LPCAT1: variants seen among roughly 807,000 people sequenced by gnomAD.
LPCAT1 encodes the protein lysophosphatidylcholine acyltransferase 1, also known as 1-acylglycerol-3-phosphate O-acyltransferase.
Under a neutral mutation model 60.9 loss-of-function variants are expected in LPCAT1, and 23 were observed. That is an observed-to-expected ratio of 0.38 (90% confidence interval 0.27 to 0.53). The LOEUF (loss-of-function observed/expected upper bound fraction) is 0.53. Ranked by LOEUF, LPCAT1 falls within the 20% of genes least tolerant of loss-of-function variation. The pLI, the probability that LPCAT1 is intolerant of heterozygous loss-of-function variation, is 0.82. For synonymous variants in LPCAT1, 340 were observed against 301.1 expected, an observed-to-expected ratio of 1.13 and a Z score of -1.34; for missense variants, 622 against 723.6, an observed-to-expected ratio of 0.86 and a Z score of 1.61.
intron 2 of LPCAT1, 66 bp from the exon 3 acceptor site, chr5:1,494,980 G>A (rs1735731395): frequency 1.4e-6 from 2 of 1,446,782 alleles, no homozygotes; most frequent in Admixed American, 2.0e-5. Flanking sequence ...GTGAGGCACA[G>A]GGGCGGTCCC....
At chr5:1,473,589 G>A (rs1734777273) in intron 11 of LPCAT1, among the ~76,000 whole-genome samples, 1 of 152,178 alleles carries the variant, frequency 6.6e-6, no homozygotes, top group African/African-American at 2.4e-5. Context: ...TAGAGGACGG[G>A]CGTGTTATTA....
intron 10 of LPCAT1, among the ~76,000 whole-genome samples, 160 bp downstream of exon 10, chr5:1,474,400 T>C (rs568201821): frequency 5.9e-5 from 9 of 152,292 alleles, no homozygotes; most frequent in Non-Finnish European, 1.0e-4. Context: ...CATTAAGGGA[T>C]TGAAAGACAC....
At chr5:1,501,934 C>T (rs1247207034) in intron 1 of LPCAT1, among the ~76,000 whole-genome samples, 2 of 151,826 alleles carry the variant, frequency 1.3e-5, no homozygotes, top group Admixed American at 1.3e-4. Flanking sequence ...CCAACACTGA[C>T]CGACACTGAC....
chr5:1,475,685 C>A (rs556785702), intron 9 of LPCAT1, among the ~76,000 whole-genome samples: 3 of 152,230 alleles, frequency 2.0e-5, no homozygotes, highest in African/African-American at 7.2e-5. Flanking sequence ...GGAAACCAGC[C>A]GGGAGGAGGC....
rs146171733 is a variant in LPCAT1, at chr5:1,466,921, C to T, written c.1279-31G>A. On this transcript the variant is annotated intron_variant, in intron 12 of 13. Transcript: ENST00000283415. The stretch of plus-strand genomic sequence containing the variant: ...AGGCAAACTGGGTGTCACCTTGCAG[C>T]CTCCTCCCCTGCCCACCAGGCCCCG... 6.1e-3 allele frequency: 9,275 copies of T among 1,520,834 alleles called. 32 individuals are homozygous for T. The highest frequency in any genetic ancestry group is 7.4e-3 in the Non-Finnish European group (8,320 of 1,127,106). The allele number at this position is 1,520,834 out of a possible 1,614,324, so 94.2% of individuals were successfully genotyped here. A position where few individuals can be genotyped will look rare whatever the true frequency, so the allele number is the denominator to read the frequency against.
intron 1 of LPCAT1, among the ~76,000 whole-genome samples, chr5:1,509,206 C>T (rs762874672): frequency 6.6e-5 from 10 of 152,266 alleles, no homozygotes; most frequent in East Asian, 1.9e-4. Context: ...CACAGGCGGC[C>T]GGGGCAGATG....
At position 1,473,980 on chromosome 5, in the gene LPCAT1, C is replaced by T. The variant is rs1400944063; in HGVS notation, c.1156G>A (p.Asp386Asn). The part of the protein sequence containing the change: ...LEVPVSDLLE[D>N]MFSLFDESGS... ...ACCTCGTCGAACAGTGAAAACATGT[C>T]TTCCAGCAAGTCAGAAACGGGGACT... The change falls in exon 11 of 14, where the codon GAC becomes AAC. Residue 386 changes from aspartate to asparagine, a missense_variant. By Grantham distance (23) the Asp-to-Asn change is conservative. Transcript: ENST00000283415. 1.2e-6 allele frequency: 2 copies of T among 1,614,216 alleles called. No homozygotes were observed. The highest frequency in any genetic ancestry group is 1.7e-6 in the Non-Finnish European group (2 of 1,180,042).
chr5:1,487,211 C>T lies in LPCAT1; in HGVS notation c.667+1180G>A, dbSNP rs1735403777. Among the ~76,000 whole-genome samples, 1 of 152,228 alleles carries T rather than the reference C, an allele frequency of 6.6e-6. No individual in the cohort carries two copies. Among genetic ancestry groups the T allele is most frequent in the Non-Finnish European group, 1.5e-5 (1 of 68,040 alleles). On this transcript the variant is annotated intron_variant, in intron 5 of 13. Transcript: ENST00000283415. The surrounding 1 kb of genome is among the most constrained non-coding windows in gnomAD (Gnocchi z 6.1). ...TGTCTTCTGCCTGGGGCCTTGGAAA[C>T]ACGGCCCACTTTTGGCCTTCACCAA... is the stretch of plus-strand genomic sequence containing the variant.
intron 3 of LPCAT1, among the ~76,000 whole-genome samples, chr5:1,490,472 G>A (rs1000516049): frequency 5.9e-5 from 9 of 152,242 alleles, no homozygotes; most frequent in African/African-American, 1.9e-4. Context: ...GAGGCCATAG[G>A]AGGATGTGGC....
Position 1,477,610 on chromosome 5 carries a change from C to T in LPCAT1, c.817-124G>A. 1.5e-6 allele frequency: 1 copy of T among 683,330 alleles called. No homozygotes were observed. The allele number at this position is 683,330 out of a possible 1,614,324, so 42.3% of individuals were successfully genotyped here. On this transcript the variant is annotated intron_variant, in intron 8 of 13. Transcript: ENST00000283415. The surrounding 1 kb of genome is among the most constrained non-coding windows in gnomAD (Gnocchi z 6.0). Reference sequence around the variant, plus strand: ...AAGTAACGCCCATTAGAACCGTCTTCAAAGTTGTCATGTGCACGTGTGTGT... The same window carrying T: ...AAGTAACGCCCATTAGAACCGTCTTTAAAGTTGTCATGTGCACGTGTGTGT...
rs1736689947 is a variant in LPCAT1, at chr5:1,521,945, T to C, written c.135+1765A>G. Among the ~76,000 whole-genome samples the C allele has an allele frequency of 6.6e-6, 1 of 152,028 alleles. No individual in the cohort carries two copies. The highest frequency in any genetic ancestry group is 2.1e-4 in the South Asian group (1 of 4,812). On this transcript the variant is annotated intron_variant, in intron 1 of 13. Coordinates refer to ENST00000283415, the MANE Select transcript of LPCAT1 (RefSeq NM_024830.5). This position sits in a 1 kb window ranked among gnomAD's most constrained non-coding sequence, Gnocchi z 4.3. ...CTCGCCAGGGCAGTGGGTGCACACT[T>C]TTGGACAGAACACACCTCAACCGGG...
In LPCAT1 at chr5:1,487,271, G is replaced by A. The variant is rs1735405846; in HGVS notation, c.667+1120C>T. On this transcript the variant is annotated intron_variant, in intron 5 of 13. Coordinates refer to ENST00000283415, the MANE Select transcript of LPCAT1 (RefSeq NM_024830.5). This position sits in a 1 kb window ranked among gnomAD's most constrained non-coding sequence, Gnocchi z 6.1. ...CAGGCCACGCCCAGGCACGGACCCA[G>A]TGTGGTGGGGGCACACGGATTCGTG... Among the ~76,000 whole-genome samples the A allele has an allele frequency of 6.6e-6, 1 of 152,262 alleles. No homozygotes were observed. Among genetic ancestry groups the A allele is most frequent in the Non-Finnish European group, 1.5e-5 (1 of 68,040 alleles).
chr5:1,489,822 C>T lies in LPCAT1; in HGVS notation c.530G>A (p.Arg177Gln), dbSNP rs1336260167. 2.5e-6 allele frequency: 4 copies of T among 1,613,932 alleles called. No homozygotes were observed. Among genetic ancestry groups the T allele is most frequent in the Admixed American group, 1.7e-5 (1 of 60,000 alleles). ...TTTCCTGCGAGAATCCTGGTCTGAC[C>T]GGGACACGAACACAGGCCGTATATA... is the stretch of plus-strand genomic sequence containing the variant. ...IQYIRPVFVS[R>Q]SDQDSRRKTV... The change falls in exon 4 of 14, where the codon CGG (arginine) becomes CAG (glutamine). Residue 177 changes from arginine to glutamine, a missense_variant. Physicochemically the swap from Arg to Gln is conservative, Grantham distance 43. Coordinates refer to ENST00000283415, the MANE Select transcript of LPCAT1 (RefSeq NM_024830.5).
chr5:1,485,873 C>T (rs1370386672), intron 5 of LPCAT1, among the ~76,000 whole-genome samples: 1 of 152,212 alleles, frequency 6.6e-6, no homozygotes, highest in East Asian at 1.9e-4. Context: ...CCACTGTGGC[C>T]CAGTGAGAGC....
chr5:1,474,375 G>A (rs1179093475), intron 10 of LPCAT1, among the ~76,000 whole-genome samples, 185 bp downstream of exon 10: 2 of 152,242 alleles, frequency 1.3e-5, no homozygotes, highest in African/African-American at 4.8e-5. Flanking sequence ...GCCGTCCACA[G>A]ACAGCTGATG....
rs376245720 is a variant in LPCAT1 at position 1,480,140 on chromosome 5, G to A, written c.762-465C>T. ...GAGCTGCTCCCAGGGCCACACTCAC[G>A]CCTCCGACAGCCCAGTGCCCCAACC... On this transcript the variant is annotated intron_variant, in intron 7 of 13. Coordinates refer to ENST00000283415, the MANE Select transcript of LPCAT1 (RefSeq NM_024830.5). This position sits in a 1 kb window ranked among gnomAD's most constrained non-coding sequence, Gnocchi z 6.4. Among the ~76,000 whole-genome samples, 2 of 151,784 alleles carry A rather than the reference G, an allele frequency of 1.3e-5. No individual in the cohort carries two copies. Among genetic ancestry groups the A allele is most frequent in the African/African-American group, 4.8e-5 (2 of 41,342 alleles).
chr5:1,471,403 T>G (rs1020070213), intron 11 of LPCAT1, among the ~76,000 whole-genome samples: 2 of 152,200 alleles, frequency 1.3e-5, no homozygotes, highest in African/African-American at 4.8e-5. Flanking sequence ...CAGTAACTCC[T>G]CACACCCAGA....
intron 11 of LPCAT1, among the ~76,000 whole-genome samples, chr5:1,473,342 T>C (rs937319126): frequency 6.6e-6 from 1 of 152,230 alleles, no homozygotes; most frequent in African/African-American, 2.4e-5. Context: ...AAGACCAGGA[T>C]TGGCTGACCT....
intron 9 of LPCAT1, among the ~76,000 whole-genome samples, chr5:1,475,421 C>A (rs1734862595): frequency 6.6e-6 from 1 of 152,230 alleles, no homozygotes; most frequent in Non-Finnish European, 1.5e-5. Context: ...CCACCTCCGC[C>A]AGCCACACCT....
Sources: gnomAD v4.1 joint callset for allele counts (sites outside exome capture counted in the v4.1 genomes callset) on GRCh38, gnomAD v4.1.1 for gene constraint, Gnocchi (gnomAD v3.1) non-coding constraint, MANE v1.5 for transcripts, NCBI Gene and HGNC (gene_info 2026-07-23, HGNC 2026-07-21) for gene names.